Variants in KDELR1 observed in about 807,000 individuals in gnomAD.
KDELR1 encodes the protein KDEL endoplasmic reticulum protein retention receptor 1.
KDELR1 carries 16 observed loss-of-function variants against 25.5 expected under a neutral mutation model. That is an observed-to-expected ratio of 0.63 (90% CI 0.43 to 0.95). The LOEUF (loss-of-function observed/expected upper bound fraction) is 0.95. Ranked by LOEUF, KDELR1 falls within the 40% of genes least tolerant of loss-of-function variation. KDELR1 has a pLI of 0.00. For missense variants in KDELR1, 159 were observed against 265.2 expected, an observed-to-expected ratio of 0.60 and a Z score of 2.78; for synonymous variants, 121 against 115.0, an observed-to-expected ratio of 1.05 and a Z score of -0.33.
At chr19:48,395,588 G>C (rs1034651226), upstream of KDELR1, among the ~76,000 whole-genome samples, 2 of 151,988 alleles carry the variant, frequency 1.3e-5, no homozygotes, top group Non-Finnish European at 2.9e-5. Context: ...CGAAGTGGCC[G>C]CTCCTCTCTT....
Sources: allele counts gnomAD v4.1 joint callset (sites outside exome capture counted in the v4.1 genomes callset), GRCh38; gene constraint gnomAD v4.1.1; transcripts MANE v1.5; gene names NCBI Gene and HGNC (gene_info 2026-07-23, HGNC 2026-07-21).